Variants in RPS6KB1 observed in about 807,000 individuals in gnomAD.
The protein encoded by RPS6KB1 is ribosomal protein S6 kinase B1, also known as ribosomal protein S6 kinase beta-1.
A neutral mutation model predicts 70.2 loss-of-function variants in RPS6KB1; 12 were observed. The observed-to-expected ratio is 0.17, with a 90% CI of 0.11 to 0.28. The LOEUF is 0.28. Among genes scored for constraint, RPS6KB1 ranks in the 10% least tolerant of loss-of-function variants. The pLI is 1.00. For synonymous variants in RPS6KB1, 175 were observed against 211.2 expected, an observed-to-expected ratio of 0.83 and a Z score of 1.49; for missense variants, 270 against 646.6, an observed-to-expected ratio of 0.42 and a Z score of 6.32.
chr17:59,942,907 G>A (rs2044696339), intron 13 of RPS6KB1, among the ~76,000 whole-genome samples: 1 of 151,988 alleles, frequency 6.6e-6, no homozygotes, highest in Non-Finnish European at 1.5e-5. Flanking sequence ...TTGAACCCGG[G>A]AGGCAGAGGT....
intron 3 of RPS6KB1, chr17:59,913,823 C>T (rs535385579): frequency 2.0e-5 from 3 of 152,330 alleles, no homozygotes; most frequent in African/African-American, 7.2e-5. Flanking sequence ...GCCTCAGTCT[C>T]CCGAGTAGCT....
intron 4 of RPS6KB1, among the ~76,000 whole-genome samples, chr17:59,925,726 T>G (rs1042608641): frequency 3.3e-5 from 5 of 152,222 alleles, no homozygotes; most frequent in African/African-American, 1.2e-4. Flanking sequence ...CCAAACTACT[T>G]GTAGATTTCC....
rs533401540 is a variant in RPS6KB1, at chr17:59,947,186, C to G, written c.*398C>G. The G allele has an allele frequency of 4.8e-6, 5 of 1,036,552 alleles. No homozygotes were observed. Among genetic ancestry groups the G allele is most frequent in the Non-Finnish European group, 5.8e-6 (5 of 862,630 alleles). The allele number at this position is 1,036,552 out of a possible 1,614,324, so 64.2% of individuals were successfully genotyped here. A position where few individuals can be genotyped will look rare whatever the true frequency, so the allele number is the denominator to read the frequency against. ...AGTACAAAATTGCCTATAATACTTG[C>G]AACTAAGGACAAATTAGCATGCAAG... On this transcript the variant is annotated 3_prime_UTR_variant, in exon 15 of 15. Coordinates refer to ENST00000225577, the MANE Select transcript of RPS6KB1 (RefSeq NM_003161.4).
At chr17:59,935,132 T>G (rs1231034442) in intron 9 of RPS6KB1, 61 bp from the exon 10 acceptor site, 3 of 983,800 alleles carry the variant, frequency 3.0e-6, no homozygotes, top group Non-Finnish European at 3.1e-6. Context: ...CAAAATTTGT[T>G]TCTTATATGC....
At chr17:59,898,977 C>A (rs989136604) in intron 1 of RPS6KB1, among the ~76,000 whole-genome samples, 3 of 151,202 alleles carry the variant, frequency 2.0e-5, no homozygotes, top group Non-Finnish European at 4.4e-5. Context: ...CCAAGGTGGG[C>A]AGATCACCTG....
At chr17:59,921,983 C>T (rs1011701250) in intron 4 of RPS6KB1, among the ~76,000 whole-genome samples, 2 of 151,630 alleles carry the variant, frequency 1.3e-5, no homozygotes, top group Admixed American at 6.6e-5. Context: ...GAGTTAACTG[C>T]AGATTTCATA....
chr17:59,939,262 T>C (rs572017929), intron 12 of RPS6KB1, among the ~76,000 whole-genome samples: 1 of 152,308 alleles, frequency 6.6e-6, no homozygotes, highest in East Asian at 1.9e-4. Context: ...TCATCGCAGT[T>C]ATTTTTATTT....
At chr17:59,916,123 C>T (rs528832497) in intron 4 of RPS6KB1, among the ~76,000 whole-genome samples, 9 of 137,490 alleles carry the variant, frequency 6.5e-5, no homozygotes, top group South Asian at 2.4e-4. Flanking sequence ...TTTTTTTAGA[C>T]GGAGCCTCAC....
intron 4 of RPS6KB1, among the ~76,000 whole-genome samples, chr17:59,923,777 GA>G (rs2043421236): frequency 6.6e-6 from 1 of 152,078 alleles, no homozygotes; most frequent in African/African-American, 2.4e-5. Context: ...CAAAGTGCTG[GA>G]ATTACAGGTG....
At chr17:59,902,888 A>AC (rs1568386540) in intron 1 of RPS6KB1, among the ~76,000 whole-genome samples, 1 of 151,786 alleles carries the variant, frequency 6.6e-6, no homozygotes, top group Non-Finnish European at 1.5e-5. Context: ...GCCTGAATAA[A>AC]CCTTTTAGAA....
intron 4 of RPS6KB1, among the ~76,000 whole-genome samples, chr17:59,922,067 G>A (rs2144879434): frequency 7.2e-6 from 1 of 139,170 alleles, no homozygotes; most frequent in East Asian, 2.1e-4. Context: ...TTGAGAAGCA[G>A]TCTCACTCTG....
chr17:59,927,432 T>G (rs2043675474), intron 5 of RPS6KB1, among the ~76,000 whole-genome samples: 1 of 152,132 alleles, frequency 6.6e-6, no homozygotes, highest in Admixed American at 6.6e-5. Flanking sequence ...GAGAAGGATT[T>G]TGCAGTAACG....
rs1038275150 is a variant in RPS6KB1, at chr17:59,918,577, C to T, written c.381+3874C>T. 2.0e-5 allele frequency among the ~76,000 whole-genome samples: 3 copies of T among 151,982 alleles called. No homozygotes were observed. The East Asian group carries it at 5.8e-4, about 30-fold the overall frequency. On this transcript the variant is annotated intron_variant, in intron 4 of 14. Transcript: ENST00000225577. The stretch of plus-strand genomic sequence containing the variant: ...CAGATATCGGGTTTCATCATGTTGG[C>T]CAGACTGGTCTTGAACTCCTGACCT...
chr17:59,918,661 C>T (rs568719433), intron 4 of RPS6KB1, among the ~76,000 whole-genome samples: 11 of 152,152 alleles, frequency 7.2e-5, no homozygotes, highest in African/African-American at 2.2e-4. Flanking sequence ...TGAGCCACCA[C>T]GCCCAGCCTC....
intron 1 of RPS6KB1, among the ~76,000 whole-genome samples, chr17:59,903,274 C>T (rs1213182791): frequency 6.6e-6 from 1 of 150,646 alleles, no homozygotes; most frequent in Non-Finnish European, 1.5e-5. Context: ...CACTGCACTC[C>T]AGCCTGGGCA....
chr17:59,919,894 T>A (rs1387138580), intron 4 of RPS6KB1, among the ~76,000 whole-genome samples: 2 of 152,204 alleles, frequency 1.3e-5, no homozygotes, highest in African/African-American at 4.8e-5. Context: ...ATAGATAGAT[T>A]CAACTTCTTT....
Position 59,916,470 on chromosome 17 carries a change from C to G in RPS6KB1, c.381+1767C>G, listed in dbSNP as rs558799014. On this transcript the variant is annotated intron_variant, in intron 4 of 14. Coordinates refer to ENST00000225577, the MANE Select transcript of RPS6KB1 (RefSeq NM_003161.4). The stretch of plus-strand genomic sequence containing the variant: ...CTTCACCCTCCTTTATCCTCATCCT[C>G]TCATTTTGTTTTGCTTTCTTTGAAT... Among the ~76,000 whole-genome samples the G allele has an allele frequency of 2.0e-5, 3 of 152,312 alleles. No homozygotes were observed. In the South Asian group the frequency reaches 6.2e-4, roughly 32 times the overall value.
intron 1 of RPS6KB1, among the ~76,000 whole-genome samples, chr17:59,908,402 T>C (rs1311056441): frequency 2.0e-5 from 3 of 151,804 alleles, no homozygotes; most frequent in East Asian, 1.9e-4. Context: ...GGTTTCACCA[T>C]GTTGGCCAGG....
chr17:59,936,927 C>A (rs2044278690), intron 12 of RPS6KB1, among the ~76,000 whole-genome samples: 1 of 152,182 alleles, frequency 6.6e-6, no homozygotes, highest in Non-Finnish European at 1.5e-5. Flanking sequence ...AGCACGATCA[C>A]AGTTCAATGC....
Sources: gnomAD v4.1 joint callset for allele counts (sites outside exome capture counted in the v4.1 genomes callset) on GRCh38, gnomAD v4.1.1 for gene constraint, MANE v1.5 for transcripts, NCBI Gene and HGNC (gene_info 2026-07-23, HGNC 2026-07-21) for gene names.